SCFD2: variants seen among roughly 807,000 people sequenced by gnomAD.
The protein encoded by SCFD2 is sec1 family domain containing 2.
SCFD2 carries 54 observed loss-of-function variants against 58.9 expected under a neutral mutation model. The ratio of observed to expected loss-of-function variants is 0.92; its 90% CI spans 0.74 to 1.15. The LOEUF is 1.15. SCFD2 is among the 50% of genes most tolerant of loss of function. The probability of loss-of-function intolerance (pLI) is 0.00; values close to 1 mark genes in which losing one functional copy is unlikely to be tolerated. For missense variants in SCFD2, 805 were observed against 836.6 expected (o/e 0.96, Z 0.47); for synonymous variants, 321 against 335.9 (o/e 0.96, Z 0.49).
chr4:52,884,633 C>T (rs922384726), intron 8 of SCFD2, among the ~76,000 whole-genome samples: 6 of 152,160 alleles, frequency 3.9e-5, no homozygotes, highest in Admixed American at 6.5e-5. Context: ...AAACTACCTG[C>T]TCTCTCATCC....
At chr4:53,360,198 T>A (rs1456516644) in intron 1 of SCFD2, among the ~76,000 whole-genome samples, 2 of 152,242 alleles carry the variant, frequency 1.3e-5, no homozygotes, top group Non-Finnish European at 2.9e-5. Flanking sequence ...GATGTAACAC[T>A]ATGTGGAAAC....
At chr4:53,298,074 A>G (rs1732109891) in intron 3 of SCFD2, among the ~76,000 whole-genome samples, 1 of 152,154 alleles carries the variant, frequency 6.6e-6, no homozygotes, top group Non-Finnish European at 1.5e-5. Flanking sequence ...GGCTCATCAC[A>G]CTGGGGAGTG....
chr4:53,221,690 T>C (rs77826569), intron 4 of SCFD2, among the ~76,000 whole-genome samples: 2,441 of 152,278 alleles, frequency 0.016, 47 homozygotes, highest in Non-Finnish European at 0.023. Flanking sequence ...AAGGCTACTG[T>C]AGTAGAAAAG....
intron 5 of SCFD2, among the ~76,000 whole-genome samples, chr4:52,924,117 G>T (rs529633286): frequency 1.3e-5 from 2 of 152,032 alleles, no homozygotes; most frequent in African/African-American, 4.8e-5. Context: ...AAAGTAATTC[G>T]TTTTCTATAG....
chr4:52,980,622 T>C (rs140986003), intron 5 of SCFD2, among the ~76,000 whole-genome samples: 118 of 152,316 alleles, frequency 7.7e-4, no homozygotes, highest in African/African-American at 2.6e-3. Flanking sequence ...TCTTTCCAGC[T>C]TTGTCTCTGG....
chr4:53,328,120 G>A (rs1733271474), intron 2 of SCFD2, among the ~76,000 whole-genome samples: 1 of 146,328 alleles, frequency 6.8e-6, no homozygotes, highest in African/African-American at 2.5e-5. Context: ...GGGTGACAGA[G>A]CGAGACTCTG....
chr4:53,312,003 T>C (rs1732707369), intron 3 of SCFD2, among the ~76,000 whole-genome samples: 1 of 152,020 alleles, frequency 6.6e-6, no homozygotes, highest in Non-Finnish European at 1.5e-5. Flanking sequence ...GTAAATACAC[T>C]TGTTACTAAT....
intron 5 of SCFD2, among the ~76,000 whole-genome samples, chr4:53,011,743 C>T (rs570983737): frequency 1.4e-4 from 21 of 152,206 alleles, no homozygotes; most frequent in South Asian, 2.1e-4. Flanking sequence ...CACTGTGAAA[C>T]GCTTCAAGCT....
Position 53,291,456 on chromosome 4 carries a change from A to G in SCFD2, c.1136-17455T>C, listed in dbSNP as rs184796852. Reference sequence around the variant, plus strand: ...ACCTCTTCAAGGAGAACTACAAACCACTGCTCAAGGAAATCACAGGACACA... The same window carrying G: ...ACCTCTTCAAGGAGAACTACAAACCGCTGCTCAAGGAAATCACAGGACACA... On this transcript the variant is annotated intron_variant, in intron 3 of 8. Coordinates refer to ENST00000401642, the MANE Select transcript of SCFD2 (RefSeq NM_152540.4). Among the ~76,000 whole-genome samples, 20 of 152,252 alleles carry G rather than the reference A, an allele frequency of 1.3e-4. No individual in the cohort carries two copies. The East Asian group carries it at 2.3e-3, about 18-fold the overall frequency.
chr4:53,003,655 C>T (rs774762293), intron 5 of SCFD2, among the ~76,000 whole-genome samples: 2 of 152,152 alleles, frequency 1.3e-5, no homozygotes, highest in African/African-American at 2.4e-5. Context: ...AGAAATTGCA[C>T]AGAGGGAGAA....
intron 5 of SCFD2, among the ~76,000 whole-genome samples, chr4:53,098,948 G>GTACC (rs1389470750): frequency 6.6e-6 from 1 of 152,052 alleles, no homozygotes; most frequent in Non-Finnish European, 1.5e-5. Flanking sequence ...AGCTTTGTAT[G>GTACC]TACCTATCTA....
intron 4 of SCFD2, among the ~76,000 whole-genome samples, chr4:53,161,728 C>T (rs1345856173): frequency 6.6e-6 from 1 of 152,182 alleles, no homozygotes; most frequent in East Asian, 1.9e-4. Context: ...CAGAACAGAA[C>T]ACCACAGGGA....
In SCFD2 at chr4:53,319,441, C is replaced by G. The variant is rs529033079; in HGVS notation, c.1008-5678G>C. On this transcript the variant is annotated intron_variant, in intron 2 of 8. Transcript: ENST00000401642. ...ATAACTGAAAAAGCAAAAACCTAGT[C>G]TAAATTGCCTTACAGGTATTATTTC... Among the ~76,000 whole-genome samples the G allele has an allele frequency of 1.3e-4, 20 of 152,276 alleles. No individual in the cohort carries two copies. In the East Asian group the frequency reaches 1.9e-3, roughly 15 times the overall value.
chr4:53,210,257 G>A (rs760202053), intron 4 of SCFD2, among the ~76,000 whole-genome samples: 1 of 152,064 alleles, frequency 6.6e-6, no homozygotes, highest in Non-Finnish European at 1.5e-5. Flanking sequence ...AGGCTGAAGT[G>A]TTGATACAAA....
intron 4 of SCFD2, among the ~76,000 whole-genome samples, chr4:53,237,624 G>A (rs1577878283): frequency 7.5e-6 from 1 of 134,182 alleles, no homozygotes; most frequent in Non-Finnish European, 1.6e-5. Context: ...CCCGGACGGG[G>A]CGGCTGGCCG....
At chr4:52,939,077 C>A (rs1409859598) in intron 5 of SCFD2, among the ~76,000 whole-genome samples, 3 of 152,110 alleles carry the variant, frequency 2.0e-5, no homozygotes, top group Admixed American at 1.3e-4. Context: ...CTGAGGTGGA[C>A]CCATAGCACA....
At position 53,268,094 on chromosome 4, in the gene SCFD2, C is replaced by CT. The variant is rs554806392; in HGVS notation, c.1311+5731dup. ...GGAATGAAGGAGGGCACAATAGTGG[C>CT]TTAGGGCAGGTTGTCAGAGCCCACG... On this transcript the variant is annotated intron_variant, in intron 4 of 8. Transcript: ENST00000401642. Among the ~76,000 whole-genome samples, 11 of 152,096 alleles carry CT rather than the reference C, an allele frequency of 7.2e-5. No homozygotes were observed. The South Asian group carries it at 2.3e-3, about 32-fold the overall frequency.
intron 7 of SCFD2, among the ~76,000 whole-genome samples, chr4:52,900,230 T>G (rs1011967891): frequency 6.6e-6 from 1 of 152,164 alleles, no homozygotes; most frequent in South Asian, 2.1e-4. Flanking sequence ...GGCGCTCTGA[T>G]TTTTCGAGTT....
chr4:52,912,792 C>T (rs555604791), intron 6 of SCFD2, among the ~76,000 whole-genome samples: 80 of 152,268 alleles, frequency 5.3e-4, no homozygotes, highest in Non-Finnish European at 9.1e-4. Flanking sequence ...TAGATGGGAA[C>T]CCTCTGACTT....
Sources: allele counts gnomAD v4.1 joint callset (sites outside exome capture counted in the v4.1 genomes callset), GRCh38; gene constraint gnomAD v4.1.1; transcripts MANE v1.5; gene names NCBI Gene and HGNC (gene_info 2026-07-23, HGNC 2026-07-21).